IKBKG: variants seen among roughly 807,000 people sequenced by gnomAD.
IKBKG encodes inhibitor of nuclear factor kappa B kinase regulatory subunit gamma.
Under a neutral mutation model 13.7 loss-of-function variants are expected in IKBKG, and 2 were observed. That is an observed-to-expected ratio of 0.15 (90% CI 0.06 to 0.46). The LOEUF is 0.46. Among genes scored for constraint, IKBKG ranks in the 20% least tolerant of loss-of-function variants. The pLI, the probability that IKBKG is intolerant of heterozygous loss-of-function variation, is 0.98. For missense variants in IKBKG, 53 were observed against 150.3 expected (o/e 0.35, Z 3.39); for synonymous variants, 22 against 64.4 (o/e 0.34, Z 3.15).
upstream of IKBKG, chrX:154,542,537 CAGGGCCCCCA>C (rs2070544842): frequency 9.5e-7 from 1 of 1,049,541 alleles, no homozygotes; most frequent in Non-Finnish European, 1.3e-6. Flanking sequence ...GAGGTGCCAT[CAGGGCCCCCA>C]GGAAGGAAGC....
upstream of IKBKG, chrX:154,547,002 G>C (rs1430296792): frequency 8.8e-6 from 2 of 227,624 alleles, no homozygotes; most frequent in Non-Finnish European, 1.5e-5. Flanking sequence ...GCGCATCCCA[G>C]GCCAGCCCCT....
chrX:154,549,603 C>T (rs965222949), intron 1 of IKBKG, among the ~76,000 whole-genome samples: 1 of 111,706 alleles, frequency 9.0e-6, no homozygotes, highest in Non-Finnish European at 1.9e-5. Context: ...TCAATAACAG[C>T]TTGAGATATC....
intron 2 of IKBKG, among the ~76,000 whole-genome samples, chrX:154,552,577 C>A (rs781914927): frequency 1.8e-5 from 2 of 109,116 alleles, no homozygotes; most frequent in South Asian, 8.1e-4. Flanking sequence ...AGGGCAGAGT[C>A]GGCGCTGGGA....
upstream of IKBKG, chrX:154,546,220 A>C: frequency 1.7e-6 from 2 of 1,197,804 alleles, no homozygotes; most frequent in African/African-American, 1.7e-5. Flanking sequence ...TTGAGAAGTT[A>C]GCCCCTTTCT....
upstream of IKBKG, chrX:154,545,803 C>T: frequency 2.7e-6 from 1 of 368,619 alleles, no homozygotes; most frequent in Non-Finnish European, 4.7e-6. Flanking sequence ...CCACTGCACC[C>T]CATCCTGGGC....
At chrX:154,548,862 G>A (rs1225210998) in intron 1 of IKBKG, among the ~76,000 whole-genome samples, 7 of 111,572 alleles carry the variant, frequency 6.3e-5, no homozygotes, top group African/African-American at 2.3e-4. Flanking sequence ...CACTGCGCTC[G>A]GCCAGTATAG....
At chrX:154,555,059 C>G (rs1365053819) in intron 2 of IKBKG, among the ~76,000 whole-genome samples, 1 of 111,692 alleles carries the variant, frequency 9.0e-6, no homozygotes, top group Non-Finnish European at 1.9e-5. Context: ...CACACATGCT[C>G]TGGTGAGGGG....
chrX:154,545,772 T>C (rs1276311285), upstream of IKBKG: 1 of 316,192 alleles, frequency 3.2e-6, no homozygotes, highest in African/African-American at 2.8e-5. Context: ...GAGGCCGAGG[T>C]TGCAGTGAGC....
upstream of IKBKG, chrX:154,546,876 CGGCGGG>C (rs782347347): frequency 9.3e-6 from 10 of 1,071,530 alleles, no homozygotes; most frequent in South Asian, 1.6e-4. Context: ...CCCATTTAAT[CGGCGGG>C]GGCGGGGGCG....
chrX:154,544,662 T>C (rs933119660), upstream of IKBKG, among the ~76,000 whole-genome samples: 1 of 112,037 alleles, frequency 8.9e-6, no homozygotes, highest in African/African-American at 3.2e-5. Flanking sequence ...TACTGTGGGC[T>C]CCACCTGGTA....
chrX:154,549,964 G>T (rs782637123), intron 1 of IKBKG, among the ~76,000 whole-genome samples: 4 of 111,572 alleles, frequency 3.6e-5, no homozygotes, highest in Admixed American at 1.9e-4. Context: ...CCACTCTCTG[G>T]CTGCTATGAG....
upstream of IKBKG, chrX:154,547,582 C>G: frequency 1.3e-6 from 1 of 755,157 alleles, no homozygotes; most frequent in Non-Finnish European, 1.6e-6. Context: ...GGGGGCGGGG[C>G]TTGTGTTTTT....
chrX:154,547,190 T>G (rs1322267010), upstream of IKBKG: 36 of 331,536 alleles, frequency 1.1e-4, no homozygotes, highest in Non-Finnish European at 1.3e-4. Flanking sequence ...CCCGGCGGCC[T>G]CGCGCGCTCG....
At chrX:154,555,538 C>G (rs2071037942) in intron 2 of IKBKG, among the ~76,000 whole-genome samples, 2 of 112,730 alleles carry the variant, frequency 1.8e-5, no homozygotes, top group South Asian at 7.2e-4. Context: ...AAGACCTTGT[C>G]TCTACAAAAA....
chrX:154,548,978 TTTTC>T (rs1283904729), intron 1 of IKBKG, among the ~76,000 whole-genome samples: 8 of 108,826 alleles, frequency 7.4e-5, no homozygotes, highest in African/African-American at 1.4e-4. Flanking sequence ...TTTTATTTCT[TTTTC>T]TTTCTTTCTT....
upstream of IKBKG, chrX:154,546,969 G>C: frequency 3.1e-6 from 1 of 325,215 alleles, no homozygotes; most frequent in Non-Finnish European, 4.7e-6. Context: ...CGTGCGGGCG[G>C]GGCGGGGCGA....
upstream of IKBKG, chrX:154,545,977 G>A (rs782116762): frequency 1.5e-5 from 18 of 1,193,711 alleles, no homozygotes; most frequent in East Asian, 3.0e-5. Flanking sequence ...AGTTGGAAAA[G>A]CTGAGGCATG....
At chrX:154,544,620 G>C (rs2070639838), upstream of IKBKG, among the ~76,000 whole-genome samples, 1 of 112,246 alleles carries the variant, frequency 8.9e-6, no homozygotes, top group African/African-American at 3.2e-5. Flanking sequence ...GAGGGGACCA[G>C]GCTGGGGCTG....
At chrX:154,543,389 C>T (rs1021197969), upstream of IKBKG, among the ~76,000 whole-genome samples, 5 of 112,367 alleles carry the variant, frequency 4.4e-5, no homozygotes, top group Non-Finnish European at 9.4e-5. Context: ...CCTGGGCCCT[C>T]GTTTCAAAAG....
Sources: gnomAD v4.1 joint callset for allele counts (sites outside exome capture counted in the v4.1 genomes callset) on GRCh38, gnomAD v4.1.1 for gene constraint, MANE v1.5 for transcripts, NCBI Gene and HGNC (gene_info 2026-07-23, HGNC 2026-07-21) for gene names.